AUTS2: variants seen among roughly 807,000 people sequenced by gnomAD.
The protein encoded by AUTS2 is activator of transcription and developmental regulator AUTS2, also known as autism susceptibility gene 2 protein.
A neutral mutation model predicts 112.4 loss-of-function variants in AUTS2; 17 were observed. That is an observed-to-expected ratio of 0.15 (90% CI 0.10 to 0.23). The LOEUF is 0.23. AUTS2 is among the 10% of genes least tolerant of loss of function. The pLI is 1.00. For synonymous variants in AUTS2, 751 were observed against 702.7 expected (o/e 1.07, Z -1.09); for missense variants, 1,510 against 1,701.6 (o/e 0.89, Z 1.98).
At chr7:70,285,204 A>T (rs2129611118) in intron 4 of AUTS2, among the ~76,000 whole-genome samples, 1 of 152,298 alleles carries the variant, frequency 6.6e-6, no homozygotes, top group African/African-American at 2.4e-5. Context: ...TTTGGAATAA[A>T]TTAGTAAATT....
chr7:70,358,277 T>C (rs1792102728), intron 4 of AUTS2, among the ~76,000 whole-genome samples: 1 of 152,238 alleles, frequency 6.6e-6, no homozygotes, highest in Non-Finnish European at 1.5e-5. Flanking sequence ...TGCCATTCTT[T>C]ATTAAATGAA....
intron 4 of AUTS2, among the ~76,000 whole-genome samples, chr7:70,246,635 C>A (rs377216686): frequency 2.0e-5 from 3 of 151,884 alleles, no homozygotes; most frequent in African/African-American, 7.2e-5. Context: ...AGTCTCCCTC[C>A]CCCACCTCTT....
chr7:69,826,384 C>G (rs1192155014), intron 1 of AUTS2, among the ~76,000 whole-genome samples: 1 of 152,182 alleles, frequency 6.6e-6, no homozygotes, highest in Admixed American at 6.5e-5. Flanking sequence ...CTTGAATCCA[C>G]AGCTTTTGAC....
intron 2 of AUTS2, among the ~76,000 whole-genome samples, chr7:69,959,945 G>C (rs1276072811): frequency 6.6e-6 from 1 of 152,040 alleles, no homozygotes; most frequent in Non-Finnish European, 1.5e-5. Flanking sequence ...CAGTATGGCT[G>C]CTATAGTCAG....
At position 70,787,390 on chromosome 7, in the gene AUTS2, A is replaced by T. The variant is rs1791577978; in HGVS notation, c.2490A>T (p.Val830=). The change falls in exon 18 of 19, where the codon GTA becomes GTT. Residue 830 remains valine (V), a synonymous_variant. Transcript: ENST00000342771. ...SAAAHDRDRD[V]DKRDSSVSKD... is the part of the protein sequence containing the mutation. ...CAGCTCATGACAGAGATAGAGATGT[A>T]GATAAACGAGACTCATCTGTTAGTA... is the stretch of plus-strand genomic sequence containing the variant. 1 of 1,613,772 alleles carries T rather than the reference A, an allele frequency of 6.2e-7. No homozygotes were observed. The highest frequency in any genetic ancestry group is 1.3e-5 in the African/African-American group (1 of 74,920).
chr7:70,704,827 G>T (rs1188275770), intron 6 of AUTS2, among the ~76,000 whole-genome samples: 1 of 152,168 alleles, frequency 6.6e-6, no homozygotes, highest in Non-Finnish European at 1.5e-5. Context: ...GAATATGTAT[G>T]TTTATTTAAC....
At chr7:70,228,703 GTATGCACAA>G (rs1811896336) in intron 4 of AUTS2, among the ~76,000 whole-genome samples, 1 of 151,742 alleles carries the variant, frequency 6.6e-6, no homozygotes. Context: ...CTGTGCAGTA[GTATGCACAA>G]ACTTTGCTTC....
At chr7:70,242,974 C>T (rs932647766) in intron 4 of AUTS2, among the ~76,000 whole-genome samples, 7 of 152,138 alleles carry the variant, frequency 4.6e-5, no homozygotes, top group African/African-American at 1.7e-4. Context: ...CCGCCTACTG[C>T]CTTCCACACA....
chr7:70,624,414 G>C (rs1804832320), intron 5 of AUTS2, among the ~76,000 whole-genome samples: 1 of 152,124 alleles, frequency 6.6e-6, no homozygotes, highest in South Asian at 2.1e-4. Context: ...TTGATTTTCT[G>C]TTTTAGTTTT....
At chr7:69,988,807 A>C (rs1372598188) in intron 2 of AUTS2, among the ~76,000 whole-genome samples, 1 of 152,128 alleles carries the variant, frequency 6.6e-6, no homozygotes, top group African/African-American at 2.4e-5. Context: ...AATTTCCCGT[A>C]CTCGTGGGAG....
At chr7:69,723,953 G>A (rs1289843545) in intron 1 of AUTS2, among the ~76,000 whole-genome samples, 1 of 152,182 alleles carries the variant, frequency 6.6e-6, no homozygotes, top group Non-Finnish European at 1.5e-5. Context: ...ACAGACATCT[G>A]CAGCACAGTG....
At chr7:69,802,955 A>G (rs1225211203) in intron 1 of AUTS2, among the ~76,000 whole-genome samples, 2 of 152,244 alleles carry the variant, frequency 1.3e-5, no homozygotes, top group African/African-American at 4.8e-5. Context: ...CAGAAACACC[A>G]TAAGTTAATT....
chr7:70,708,103 ACT>A (rs1317627790), intron 6 of AUTS2, among the ~76,000 whole-genome samples: 5 of 152,192 alleles, frequency 3.3e-5, no homozygotes, highest in Non-Finnish European at 7.3e-5. Context: ...TTTAAAAGCC[ACT>A]TGGAAAACAT....
Position 70,301,794 on chromosome 7 carries a change from C to T in AUTS2, c.661-133958C>T, listed in dbSNP as rs117444800. ...TTTTATTTATTTAGAGACAAGTTCT[C>T]GCCCTGTCACCCAGGATACAGTGGT... On this transcript the variant is annotated intron_variant, in intron 4 of 18. Transcript: ENST00000342771. Among the ~76,000 whole-genome samples, 70 of 152,232 alleles carry T rather than the reference C, an allele frequency of 4.6e-4. No homozygotes were observed. The East Asian group carries it at 8.3e-3, about 18-fold the overall frequency.
intron 5 of AUTS2, among the ~76,000 whole-genome samples, chr7:70,692,360 TAAG>T (rs1048209201): frequency 1.7e-4 from 26 of 152,340 alleles, no homozygotes; most frequent in African/African-American, 4.8e-4. Context: ...AACAACAAGA[TAAG>T]AAAACTGTTC....
At chr7:70,606,621 G>A (rs1044417546) in intron 5 of AUTS2, among the ~76,000 whole-genome samples, 13 of 152,148 alleles carry the variant, frequency 8.5e-5, no homozygotes, top group African/African-American at 3.1e-4. Flanking sequence ...AGCACTTTGG[G>A]AGGCTGAGGC....
At chr7:70,349,332 T>C (rs1342746527) in intron 4 of AUTS2, among the ~76,000 whole-genome samples, 1 of 140,118 alleles carries the variant, frequency 7.1e-6, no homozygotes, top group South Asian at 2.3e-4. Context: ...AGAATTTTTA[T>C]AAGTGATTAA....
intron 5 of AUTS2, among the ~76,000 whole-genome samples, chr7:70,506,881 C>T (rs904842072): frequency 6.6e-6 from 1 of 152,204 alleles, no homozygotes; most frequent in African/African-American, 2.4e-5. Context: ...GTGGAGTCCC[C>T]TCTGTGCCTT....
intron 1 of AUTS2, among the ~76,000 whole-genome samples, chr7:69,661,160 A>G (rs1795775663): frequency 6.6e-6 from 1 of 152,160 alleles, no homozygotes; most frequent in South Asian, 2.1e-4. Context: ...ATTTGAGAGG[A>G]CTAGAGAGGA....
Sources: allele counts gnomAD v4.1 joint callset (sites outside exome capture counted in the v4.1 genomes callset), GRCh38; gene constraint gnomAD v4.1.1; transcripts MANE v1.5; gene names NCBI Gene and HGNC (gene_info 2026-07-23, HGNC 2026-07-21).